Variants in NDUFS4 observed in about 807,000 individuals in gnomAD.
NDUFS4 encodes NADH dehydrogenase [ubiquinone] iron-sulfur protein 4, mitochondrial.
A neutral mutation model predicts 24.3 loss-of-function variants in NDUFS4; 28 were observed. The ratio of observed to expected loss-of-function variants is 1.15; its 90% confidence interval spans 0.85 to 1.58. The LOEUF (loss-of-function observed/expected upper bound fraction) is 1.58, where lower values mean the gene tolerates loss of function less well. Among genes scored for constraint, NDUFS4 ranks in the 40% most tolerant of loss-of-function variants. The probability of loss-of-function intolerance (pLI) is 0.00; values close to 1 mark genes in which losing one functional copy is unlikely to be tolerated. For missense variants in NDUFS4, 223 were observed against 207.9 expected, an observed-to-expected ratio of 1.07 and a Z score of -0.45; for synonymous variants, 93 against 69.7, an observed-to-expected ratio of 1.34 and a Z score of -1.67.
chr5:53,657,436 C>T (rs1028909829), intron 3 of NDUFS4, among the ~76,000 whole-genome samples: 5 of 152,078 alleles, frequency 3.3e-5, no homozygotes, highest in African/African-American at 9.7e-5. Flanking sequence ...TGGGTCTTCC[C>T]GTCAGTGAGA....
At chr5:53,597,115 C>T (rs902203775) in intron 1 of NDUFS4, among the ~76,000 whole-genome samples, 5 of 152,154 alleles carry the variant, frequency 3.3e-5, no homozygotes, top group Admixed American at 6.5e-5. Context: ...CTAGAGGTTT[C>T]ATGTCCAACA....
chr5:53,616,585 G>C (rs941615111), intron 2 of NDUFS4, among the ~76,000 whole-genome samples: 9 of 152,138 alleles, frequency 5.9e-5, no homozygotes, highest in Admixed American at 5.2e-4. Flanking sequence ...GCTGGTAGTA[G>C]TCAAATAACA....
chr5:53,566,221 TTCCTGTA>T (rs1298910134), intron 1 of NDUFS4, among the ~76,000 whole-genome samples: 1 of 152,138 alleles, frequency 6.6e-6, no homozygotes, highest in Non-Finnish European at 1.5e-5. Flanking sequence ...AGCAACTTGG[TTCCTGTA>T]TAATACTTGC....
chr5:53,677,107 T>TAA (rs572038690), intron 4 of NDUFS4, among the ~76,000 whole-genome samples: 182 of 152,348 alleles, frequency 1.2e-3, no homozygotes, highest in African/African-American at 4.0e-3. Context: ...GATTTTCAGA[T>TAA]ATACTTTTGG....
intron 2 of NDUFS4, among the ~76,000 whole-genome samples, chr5:53,638,263 C>G (rs1751613393): frequency 6.6e-6 from 1 of 152,186 alleles, no homozygotes; most frequent in Non-Finnish European, 1.5e-5. Context: ...ATATCTCCAA[C>G]AGATTGAGAG....
chr5:53,587,409 A>T (rs1458049795), intron 1 of NDUFS4, among the ~76,000 whole-genome samples: 3 of 152,122 alleles, frequency 2.0e-5, no homozygotes, highest in Admixed American at 6.5e-5. Flanking sequence ...TAGATTTAAC[A>T]TGGTTAGTGG....
At chr5:53,564,081 G>T (rs751718781) in intron 1 of NDUFS4, among the ~76,000 whole-genome samples, 1 of 152,182 alleles carries the variant, frequency 6.6e-6, no homozygotes, top group Non-Finnish European at 1.5e-5. Flanking sequence ...GACTGGTGGG[G>T]ACTGAGTGTT....
chr5:53,683,281 G>A lies in NDUFS4; in HGVS notation c.*60G>A. On this transcript the variant is annotated 3_prime_UTR_variant, in exon 5 of 5. Coordinates refer to ENST00000296684, the MANE Select transcript of NDUFS4 (RefSeq NM_002495.4). ...TAAAGTCAGCTGTGCAGTATTTATA[G>A]TCCATGTATAATAAATACATCTCTT... The A allele has an allele frequency of 1.7e-6, 2 of 1,176,222 alleles. No individual in the cohort carries two copies. The highest frequency in any genetic ancestry group is 2.6e-6 in the Non-Finnish European group (2 of 782,326). 72.9% of individuals were successfully genotyped at this position (1,176,222 alleles called of 1,614,324 possible). A position where few individuals can be genotyped will look rare whatever the true frequency, so the allele number is the denominator to read the frequency against.
rs1282796110 is a variant in NDUFS4, at chr5:53,560,710, G to A, written c.48G>A (p.Arg16=). ...TGGTACTGAGGCAGACGTTGTGGCG[G>A]AGAAGGGCAGTGGCTGTAGCTGCCC... The part of the protein sequence containing the change: ...MSVVLRQTLW[R]RRAVAVAALS... The change falls in exon 1 of 5, where the codon CGG becomes CGA. Residue 16 remains arginine, a synonymous_variant. Transcript: ENST00000296684. 6.2e-7 allele frequency: 1 copy of A among 1,614,130 alleles called. No individual in the cohort carries two copies. Among genetic ancestry groups the A allele is most frequent in the Admixed American group, 1.7e-5 (1 of 60,014 alleles).
At chr5:53,609,118 T>G (rs2054101899) in intron 2 of NDUFS4, among the ~76,000 whole-genome samples, 1 of 152,238 alleles carries the variant, frequency 6.6e-6, no homozygotes, top group Non-Finnish European at 1.5e-5. Context: ...TCATCTCCTA[T>G]GAGTCACAAA....
intron 4 of NDUFS4, among the ~76,000 whole-genome samples, chr5:53,667,042 C>T (rs941207639): frequency 3.3e-5 from 5 of 152,148 alleles, no homozygotes; most frequent in African/African-American, 1.2e-4. Context: ...CTCTTGATTT[C>T]GGTATAGTAC....
intron 1 of NDUFS4, among the ~76,000 whole-genome samples, chr5:53,595,349 T>C (rs1750103406): frequency 2.0e-5 from 3 of 152,196 alleles, no homozygotes; most frequent in Admixed American, 2.0e-4. Flanking sequence ...TGTGGTAAAT[T>C]GTTTCCAGTT....
intron 2 of NDUFS4, among the ~76,000 whole-genome samples, chr5:53,632,945 A>G (rs1579900110): frequency 6.6e-6 from 1 of 152,254 alleles, no homozygotes; most frequent in South Asian, 2.1e-4. Flanking sequence ...TGATGTTCTC[A>G]ATTCTCTTTA....
At position 53,665,548 on chromosome 5, in the gene NDUFS4, G is replaced by A. The variant is rs528193857; in HGVS notation, c.424+6924G>A. Among the ~76,000 whole-genome samples the A allele has an allele frequency of 5.3e-5, 8 of 152,308 alleles. No homozygotes were observed. The South Asian group carries it at 1.5e-3, about 28-fold the overall frequency. On this transcript the variant is annotated intron_variant, in intron 4 of 4. Transcript: ENST00000296684. The stretch of plus-strand genomic sequence containing the variant: ...TGGCGGACGCCCCTCCCACAGCCTC[G>A]CTGATGCCTTGCAGTTTGATCTCAG...
chr5:53,609,336 C>T (rs1373493388), intron 2 of NDUFS4, among the ~76,000 whole-genome samples: 1 of 152,206 alleles, frequency 6.6e-6, no homozygotes, highest in Non-Finnish European at 1.5e-5. Context: ...CACCCTTGTA[C>T]ATCTCCATCT....
chr5:53,650,837 A>G (rs771306447), intron 3 of NDUFS4, among the ~76,000 whole-genome samples: 1 of 152,258 alleles, frequency 6.6e-6, no homozygotes, highest in Non-Finnish European at 1.5e-5. Context: ...AAAGGTTCAC[A>G]CAATCATTAT....
intron 4 of NDUFS4, among the ~76,000 whole-genome samples, chr5:53,663,080 C>T (rs1401327554): frequency 9.9e-5 from 15 of 152,016 alleles, no homozygotes; most frequent in Admixed American, 9.8e-4. Flanking sequence ...TCATTATGTA[C>T]CCAGTAGTCA....
intron 4 of NDUFS4, among the ~76,000 whole-genome samples, chr5:53,663,170 A>C (rs1350326422): frequency 3.3e-5 from 5 of 152,048 alleles, no homozygotes; most frequent in Admixed American, 2.6e-4. Context: ...GTTTGATTGC[A>C]CTGTGGTCTT....
intron 2 of NDUFS4, among the ~76,000 whole-genome samples, chr5:53,612,620 T>G (rs1750732060): frequency 6.6e-6 from 1 of 152,124 alleles, no homozygotes; most frequent in South Asian, 2.1e-4. Context: ...TGGTTGTATT[T>G]TGCTACTTGA....
Sources: allele counts gnomAD v4.1 joint callset (sites outside exome capture counted in the v4.1 genomes callset), GRCh38; gene constraint gnomAD v4.1.1; transcripts MANE v1.5; gene names NCBI Gene and HGNC (gene_info 2026-07-23, HGNC 2026-07-21).